POLA1: variants seen among roughly 807,000 people sequenced by gnomAD.
POLA1 encodes DNA polymerase alpha 1, catalytic subunit.
Under a neutral mutation model 124.0 loss-of-function variants are expected in POLA1, and 15 were observed. The ratio of observed to expected loss-of-function variants is 0.12; its 90% CI spans 0.08 to 0.19. POLA1 has a LOEUF of 0.19. Ranked by LOEUF, POLA1 falls within the 10% of genes least tolerant of loss-of-function variation. The pLI, the probability that POLA1 is intolerant of heterozygous loss-of-function variation, is 1.00. For synonymous variants in POLA1, 408 were observed against 389.4 expected (o/e 1.05, Z -0.56); for missense variants, 886 against 1,103.4 (o/e 0.80, Z 2.79).
intron 1 of POLA1, among the ~76,000 whole-genome samples, chrX:24,695,369 C>CT (rs1012433958): frequency 6.6e-5 from 7 of 106,538 alleles, no homozygotes; most frequent in South Asian, 8.0e-4. Flanking sequence ...AAAATGTAGG[C>CT]TTTTTTTTTT....
chrX:24,912,619 T>C (rs1334719473), intron 35 of POLA1, among the ~76,000 whole-genome samples: 2 of 111,477 alleles, frequency 1.8e-5, no homozygotes, highest in East Asian at 5.6e-4. Context: ...TTAACATCAC[T>C]AGCATCAGGG....
At chrX:24,816,906 TTTAAG>T (rs1474736168) in intron 30 of POLA1, among the ~76,000 whole-genome samples, 1 of 112,377 alleles carries the variant, frequency 8.9e-6, no homozygotes, top group Non-Finnish European at 1.9e-5. Flanking sequence ...TCTGCATTCT[TTTAAG>T]TTTTTATTAT....
intron 34 of POLA1, among the ~76,000 whole-genome samples, chrX:24,875,851 C>A (rs2046923259): frequency 8.9e-6 from 1 of 111,841 alleles, no homozygotes; most frequent in South Asian, 3.7e-4. Flanking sequence ...ATAACTTCTG[C>A]AAGCCCTTTC....
intron 3 of POLA1, among the ~76,000 whole-genome samples, chrX:24,704,079 T>C (rs756662571): frequency 1.7e-4 from 19 of 112,288 alleles, no homozygotes; most frequent in Middle Eastern, 4.6e-3. Context: ...ATTCTTTTAC[T>C]TTTTATTCTT....
intron 20 of POLA1, among the ~76,000 whole-genome samples, chrX:24,740,616 G>A (rs1290837659): frequency 9.0e-6 from 1 of 111,409 alleles, no homozygotes; most frequent in East Asian, 2.8e-4. Context: ...TCTCTATGTC[G>A]TTAACTCTGT....
At chrX:24,709,009 A>G (rs756490984) in intron 4 of POLA1, among the ~76,000 whole-genome samples, 4 of 86,297 alleles carry the variant, frequency 4.6e-5, no homozygotes, top group African/African-American at 7.9e-5. Context: ...CTGGCCGGGC[A>G]GGGGGGCTGA....
At chrX:24,972,025 A>G (rs1475895494) in intron 36 of POLA1, among the ~76,000 whole-genome samples, 1 of 108,023 alleles carries the variant, frequency 9.3e-6, no homozygotes, top group East Asian at 2.9e-4. Context: ...CTGGAGTGCA[A>G]TGGCACGTTC....
At chrX:24,710,197 T>A (rs1009216725) in intron 4 of POLA1, among the ~76,000 whole-genome samples, 2 of 110,732 alleles carry the variant, frequency 1.8e-5, no homozygotes, top group African/African-American at 6.6e-5. Flanking sequence ...TCACAATGTT[T>A]GCAACCATCA....
intron 36 of POLA1, among the ~76,000 whole-genome samples, chrX:24,994,829 C>G (rs1268126182): frequency 9.0e-6 from 1 of 111,368 alleles, no homozygotes; most frequent in Non-Finnish European, 1.9e-5. Context: ...GCGTCATCCC[C>G]CACGTGATCA....
intron 26 of POLA1, among the ~76,000 whole-genome samples, chrX:24,770,564 G>A (rs2045009218): frequency 9.0e-6 from 1 of 111,147 alleles, no homozygotes; most frequent in Admixed American, 9.6e-5. Context: ...AACTCAGGAG[G>A]GTAACCAAGT....
chrX:24,843,828 T>C (rs2046440334), intron 34 of POLA1, 151 bp downstream of exon 34: 1 of 308,813 alleles, frequency 3.2e-6, no homozygotes. Flanking sequence ...GTATGTAATT[T>C]TGGCATATTA....
chrX:24,715,233 T>C (rs749846667), intron 6 of POLA1, 30 bp downstream of exon 6: 4 of 882,604 alleles, frequency 4.5e-6, no homozygotes, highest in Admixed American at 2.2e-5. Context: ...TTGTAAAATA[T>C]GCAGAGGACA....
chrX:24,973,603 G>A (rs2048329727), intron 36 of POLA1, among the ~76,000 whole-genome samples: 1 of 111,436 alleles, frequency 9.0e-6, no homozygotes, highest in East Asian at 2.8e-4. Flanking sequence ...ACAGCCTGCA[G>A]TAACCTGCTC....
At chrX:24,757,584 C>T (rs1452763875) in intron 26 of POLA1, among the ~76,000 whole-genome samples, 3 of 108,539 alleles carry the variant, frequency 2.8e-5, no homozygotes, top group Admixed American at 9.8e-5. Flanking sequence ...GGACTACAGG[C>T]GCCCGCCACC....
intron 36 of POLA1, among the ~76,000 whole-genome samples, chrX:24,989,372 G>A (rs1304029692): frequency 9.0e-6 from 1 of 111,143 alleles, no homozygotes; most frequent in Non-Finnish European, 1.9e-5. Context: ...CCACTGACCT[G>A]GGACTGATCA....
chrX:24,726,921 T>G lies in POLA1; in HGVS notation c.1393-12T>G, dbSNP rs1466495044. On this transcript the variant is annotated splice_polypyrimidine_tract_variant and intron_variant, in intron 13 of 36. Coordinates refer to ENST00000379068, the MANE Select transcript of POLA1 (RefSeq NM_001330360.2). Reference sequence around the variant, plus strand: ...TTAAACAAAAAGATTCTTTTTTTTTTTCCTTTTTCAGGCTGAAATGCCACA... The same window carrying G: ...TTAAACAAAAAGATTCTTTTTTTTTGTCCTTTTTCAGGCTGAAATGCCACA... 1.7e-6 allele frequency: 2 copies of G among 1,159,552 alleles called. No individual in the cohort carries two copies. The highest frequency in any genetic ancestry group is 1.2e-6 in the Non-Finnish European group (1 of 868,867).
intron 4 of POLA1, among the ~76,000 whole-genome samples, chrX:24,709,420 C>T (rs1172286624): frequency 4.2e-5 from 4 of 96,354 alleles, no homozygotes; most frequent in African/African-American, 7.5e-5. Context: ...CCGGACGGCA[C>T]GGCTGGCCAG....
At chrX:24,760,553 G>A (rs1010799357) in intron 26 of POLA1, among the ~76,000 whole-genome samples, 5 of 111,949 alleles carry the variant, frequency 4.5e-5, no homozygotes, top group African/African-American at 1.6e-4. Flanking sequence ...CAACAGTATG[G>A]TCAGACCCAT....
intron 21 of POLA1, 32 bp from the exon 22 acceptor site, chrX:24,741,970 C>T: frequency 8.7e-7 from 1 of 1,154,469 alleles, no homozygotes; most frequent in Non-Finnish European, 1.2e-6. Context: ...TGGTTTTGAG[C>T]TCAAATTTAA....
Sources: gnomAD v4.1 joint callset for allele counts (sites outside exome capture counted in the v4.1 genomes callset) on GRCh38, gnomAD v4.1.1 for gene constraint, MANE v1.5 for transcripts, NCBI Gene and HGNC (gene_info 2026-07-23, HGNC 2026-07-21) for gene names.